The following TTC7A variants were observed in gnomAD, a reference collection of about 807,000 sequenced individuals.
TTC7A encodes tetratricopeptide repeat domain 7A, also known as tetratricopeptide repeat protein 7A.
A neutral mutation model predicts 103.7 loss-of-function variants in TTC7A; 110 were observed. The observed-to-expected ratio is 1.06, with a 90% CI of 0.91 to 1.24. TTC7A has a LOEUF of 1.24. Ranked by LOEUF, TTC7A falls within the 50% of genes most tolerant of loss-of-function variation. The pLI is 0.00. For missense variants in TTC7A, 1,340 were observed against 1,116.3 expected (o/e 1.20, Z -2.86); for synonymous variants, 521 against 467.9 (o/e 1.11, Z -1.47).
At chr2:46,957,623 C>T (rs1671997034) in intron 3 of TTC7A, among the ~76,000 whole-genome samples, 1 of 152,172 alleles carries the variant, frequency 6.6e-6, no homozygotes, top group African/African-American at 2.4e-5. Context: ...GGACATGGGT[C>T]AGTGATGTAG....
At chr2:47,023,375 CT>C (rs751215547) in intron 12 of TTC7A, 32 bp from the exon 13 acceptor site, 1 of 1,613,146 alleles carries the variant, frequency 6.2e-7, no homozygotes, top group Non-Finnish European at 8.5e-7. Flanking sequence ...TCAGTGACCC[CT>C]GATGGCTCAG....
intron 3 of TTC7A, among the ~76,000 whole-genome samples, chr2:46,960,892 T>A (rs1162979674): frequency 6.6e-6 from 1 of 152,260 alleles, no homozygotes; most frequent in Non-Finnish European, 1.5e-5. Flanking sequence ...CTGGGCCTCC[T>A]TCAGCCCTGG....
At chr2:47,046,501 G>A (rs775248320) in intron 16 of TTC7A, 70 bp downstream of exon 16, 17 of 1,206,156 alleles carry the variant, frequency 1.4e-5, no homozygotes, top group Non-Finnish European at 2.0e-5. Context: ...CAGCTGGGTG[G>A]CCACCATGCC....
chr2:46,919,860 C>G (rs1475300142), intron 2 of TTC7A, among the ~76,000 whole-genome samples: 1 of 152,234 alleles, frequency 6.6e-6, no homozygotes, highest in Non-Finnish European at 1.5e-5. Context: ...CTCTATCACC[C>G]TTGCATTGGA....
intron 15 of TTC7A, among the ~76,000 whole-genome samples, chr2:47,045,829 G>T (rs1682254949): frequency 6.6e-6 from 1 of 152,240 alleles, no homozygotes; most frequent in Non-Finnish European, 1.5e-5. Flanking sequence ...CTCCTTGCCA[G>T]TTCCTTGCTC....
chr2:46,992,081 C>T (rs534178598), intron 5 of TTC7A, among the ~76,000 whole-genome samples: 1 of 152,336 alleles, frequency 6.6e-6, no homozygotes, highest in East Asian at 1.9e-4. Flanking sequence ...CCAGCTTTGG[C>T]TCTTCACCCT....
chr2:46,941,901 CAT>C lies in TTC7A; in HGVS notation c.184+177_184+178del. The stretch of plus-strand genomic sequence containing the variant: ...TCCTTCTGCCGCGAGAGAAAAATCA[CAT>C]GTGGTTTGGGGGCTTGGAGGGAAGA... On this transcript the variant is annotated intron_variant, in intron 1 of 19. Coordinates refer to ENST00000319190, the MANE Select transcript of TTC7A (RefSeq NM_020458.4). This position sits in a 1 kb window ranked among gnomAD's most constrained non-coding sequence, Gnocchi z 4.2. The C allele has an allele frequency of 2.5e-6, 2 of 797,084 alleles. No homozygotes were observed. The highest frequency in any genetic ancestry group is 4.0e-6 in the Non-Finnish European group (2 of 504,200). The allele number at this position is 797,084 out of a possible 1,614,324, so 49.4% of individuals were successfully genotyped here.
chr2:47,060,804 G>C lies in TTC7A; in HGVS notation c.2188G>C (p.Ala730Pro). The C allele has an allele frequency of 6.2e-7, 1 of 1,612,896 alleles. No homozygotes were observed. Among genetic ancestry groups the C allele is most frequent in the Non-Finnish European group, 8.5e-7 (1 of 1,179,090 alleles). Reference sequence around the variant, plus strand: ...CATGGAGCAGCAGCACCTCAAGGAAGCAGGTTTCTGCATCCAGGAGGCGGC... The same window carrying C: ...CATGGAGCAGCAGCACCTCAAGGAACCAGGTTTCTGCATCCAGGAGGCGGC... ...LFMEQQHLKE[A>P]GFCIQEAAGL... Residue 730 changes from alanine (A) to proline (P), a missense_variant, in exon 19 of 20, where the codon GCA becomes CCA. Transcript: ENST00000319190.
intron 3 of TTC7A, chr2:46,974,541 T>C (rs1572778227): frequency 1.0e-5 from 4 of 400,550 alleles, no homozygotes; most frequent in South Asian, 7.5e-5. Context: ...ATAAGCTTGC[T>C]GTGTAGGGAG....
chr2:46,925,322 C>G (rs1415468421), intron 2 of TTC7A, among the ~76,000 whole-genome samples: 1 of 152,118 alleles, frequency 6.6e-6, no homozygotes, highest in Non-Finnish European at 1.5e-5. Flanking sequence ...CTTTGGGAGG[C>G]TAAGGTGGGC....
intron 18 of TTC7A, among the ~76,000 whole-genome samples, chr2:47,056,733 T>C (rs530106950): frequency 1.3e-4 from 20 of 151,112 alleles, no homozygotes; most frequent in Non-Finnish European, 1.8e-4. Context: ...TGGAGAGAGA[T>C]GGAGGGAAGA....
At chr2:47,036,812 CA>C (rs374195034) in intron 15 of TTC7A, among the ~76,000 whole-genome samples, 30 of 152,344 alleles carry the variant, frequency 2.0e-4, no homozygotes, top group African/African-American at 7.0e-4. Context: ...GAGCTGTGAT[CA>C]CACTATTACA....
intron 11 of TTC7A, among the ~76,000 whole-genome samples, chr2:47,014,393 A>G (rs1327712306): frequency 6.6e-6 from 1 of 152,108 alleles, no homozygotes; most frequent in Non-Finnish European, 1.5e-5. Context: ...CTGTAAAGAG[A>G]GCAGGCTGTG....
chr2:47,050,459 T>A, intron 17 of TTC7A: 1 of 167,622 alleles, frequency 6.0e-6, no homozygotes, highest in Admixed American at 5.7e-5. Flanking sequence ...GAAAAACTCA[T>A]CCTGAAACCC....
At chr2:46,989,083 A>G (rs1483797711) in intron 5 of TTC7A, among the ~76,000 whole-genome samples, 1 of 152,212 alleles carries the variant, frequency 6.6e-6, no homozygotes. Context: ...AACGTGTAGC[A>G]CTGCCTGCTG....
intron 18 of TTC7A, among the ~76,000 whole-genome samples, chr2:47,058,578 G>A (rs903047035): frequency 1.3e-5 from 2 of 152,172 alleles, no homozygotes; most frequent in African/African-American, 4.8e-5. Context: ...GTCAGCTTTT[G>A]CTAGGCAGGG....
intron 4 of TTC7A, among the ~76,000 whole-genome samples, chr2:46,976,976 G>T (rs1572787692): frequency 6.6e-6 from 1 of 152,190 alleles, no homozygotes; most frequent in African/African-American, 2.4e-5. Flanking sequence ...CTCCACCAAG[G>T]GGGAATGGGT....
intron 18 of TTC7A, among the ~76,000 whole-genome samples, chr2:47,060,048 C>T (rs1323785904): frequency 6.6e-6 from 1 of 152,114 alleles, no homozygotes; most frequent in East Asian, 1.9e-4. Flanking sequence ...GTCCCAGCTA[C>T]TCTGGAGACT....
rs563209092 is a variant in TTC7A, at chr2:46,986,115, A to G, written c.764+7208A>G. Among the ~76,000 whole-genome samples the G allele has an allele frequency of 5.3e-5, 8 of 152,344 alleles. No homozygotes were observed. In the South Asian group the frequency reaches 1.2e-3, roughly 24 times the overall value. The stretch of plus-strand genomic sequence containing the variant: ...AACCGCTGTCTTAGCTTAAGGTGCT[A>G]GAAGCAGAATACCTGTCAGATACTG... On this transcript the variant is annotated intron_variant, in intron 5 of 19. Coordinates refer to ENST00000319190, the MANE Select transcript of TTC7A (RefSeq NM_020458.4).
Sources: allele counts gnomAD v4.1 joint callset (sites outside exome capture counted in the v4.1 genomes callset), GRCh38; gene constraint gnomAD v4.1.1; non-coding constraint Gnocchi (gnomAD v3.1); transcripts MANE v1.5; gene names NCBI Gene and HGNC (gene_info 2026-07-23, HGNC 2026-07-21).